The following GPM6A variants were observed in gnomAD, a reference collection of about 807,000 sequenced individuals.
GPM6A encodes glycoprotein M6A.
Under a neutral mutation model 32.1 loss-of-function variants are expected in GPM6A, and 7 were observed. The observed-to-expected ratio is 0.22, with a 90% CI of 0.12 to 0.41. The LOEUF (loss-of-function observed/expected upper bound fraction) is 0.41, where lower values mean the gene tolerates loss of function less well. GPM6A is among the 10% of genes least tolerant of loss of function. The probability of loss-of-function intolerance (pLI) is 1.00; values close to 1 mark genes in which losing one functional copy is unlikely to be tolerated. For synonymous variants in GPM6A, 130 were observed against 123.4 expected, an observed-to-expected ratio of 1.05 and a Z score of -0.35; for missense variants, 235 against 347.2, an observed-to-expected ratio of 0.68 and a Z score of 2.57.
chr4:175,688,216 C>G (rs2111028435), intron 2 of GPM6A, among the ~76,000 whole-genome samples: 1 of 152,184 alleles, frequency 6.6e-6, no homozygotes, highest in East Asian at 1.9e-4. Context: ...TCACACTTGT[C>G]TATTATTTTT....
chr4:175,704,852 T>C (rs1745086745), intron 1 of GPM6A, among the ~76,000 whole-genome samples: 1 of 152,190 alleles, frequency 6.6e-6, no homozygotes. Flanking sequence ...TAGGTGGGAA[T>C]TGCCTTTGCT....
chr4:175,766,906 C>T (rs1579477133), intron 1 of GPM6A, among the ~76,000 whole-genome samples: 1 of 151,990 alleles, frequency 6.6e-6, no homozygotes, highest in South Asian at 2.1e-4. Flanking sequence ...CTGCCTGCCT[C>T]GGCCTCCTAA....
At chr4:175,934,227 C>T (rs2126320561) in intron 1 of GPM6A, among the ~76,000 whole-genome samples, 1 of 152,216 alleles carries the variant, frequency 6.6e-6, no homozygotes, top group South Asian at 2.1e-4. Flanking sequence ...TAAATTTTTC[C>T]TCCTTAAAGT....
At chr4:175,930,579 CT>C (rs1470765878) in intron 1 of GPM6A, among the ~76,000 whole-genome samples, 1 of 151,592 alleles carries the variant, frequency 6.6e-6, no homozygotes, top group Non-Finnish European at 1.5e-5. Context: ...TTATAAGAAC[CT>C]TTTTTTGCTT....
At chr4:175,862,654 G>A (rs1736608751) in intron 1 of GPM6A, among the ~76,000 whole-genome samples, 1 of 151,938 alleles carries the variant, frequency 6.6e-6, no homozygotes, top group African/African-American at 2.4e-5. Context: ...GCAATGTTCA[G>A]CTTTAGTAAC....
intron 1 of GPM6A, among the ~76,000 whole-genome samples, chr4:175,754,421 A>T (rs892144683): frequency 7.2e-5 from 11 of 152,292 alleles, no homozygotes; most frequent in African/African-American, 2.4e-4. Context: ...ATAAAAGAAC[A>T]TCTAAGGATA....
intron 1 of GPM6A, among the ~76,000 whole-genome samples, chr4:175,758,563 G>C (rs1222355030): frequency 6.6e-6 from 1 of 152,152 alleles, no homozygotes; most frequent in Non-Finnish European, 1.5e-5. Flanking sequence ...AGTGTCAATT[G>C]ATCCACCAGT....
At chr4:175,975,354 G>A (rs1381676586) in intron 1 of GPM6A, among the ~76,000 whole-genome samples, 1 of 152,100 alleles carries the variant, frequency 6.6e-6, no homozygotes, top group Non-Finnish European at 1.5e-5. Flanking sequence ...TGGGTCATGT[G>A]GAATACCAAT....
At chr4:175,769,225 G>A (rs893774448) in intron 1 of GPM6A, among the ~76,000 whole-genome samples, 1 of 152,030 alleles carries the variant, frequency 6.6e-6, no homozygotes, top group African/African-American at 2.4e-5. Flanking sequence ...AACAACCTTG[G>A]GTTTAAATCT....
chr4:175,910,066 C>T (rs995973018), intron 1 of GPM6A, among the ~76,000 whole-genome samples: 1 of 152,090 alleles, frequency 6.6e-6, no homozygotes, highest in African/African-American at 2.4e-5. Flanking sequence ...TGATTGGCAG[C>T]ATTTATCAGT....
At chr4:175,953,179 TAAAG>T (rs991814062) in intron 1 of GPM6A, among the ~76,000 whole-genome samples, 19 of 105,146 alleles carry the variant, frequency 1.8e-4, no homozygotes, top group African/African-American at 5.2e-4. Context: ...ATAAAACAAA[TAAAG>T]AAATCAAAGG....
chr4:175,887,326 G>A (rs1737492313), intron 1 of GPM6A, among the ~76,000 whole-genome samples: 1 of 151,738 alleles, frequency 6.6e-6, no homozygotes, highest in Non-Finnish European at 1.5e-5. Context: ...AATCACGTGT[G>A]GGTTAAAGAA....
intron 1 of GPM6A, among the ~76,000 whole-genome samples, chr4:175,830,342 C>T (rs916871611): frequency 6.6e-6 from 1 of 152,150 alleles, no homozygotes; most frequent in African/African-American, 2.4e-5. Context: ...TTTTTAGACA[C>T]ATAAATACAC....
chr4:175,761,424 A>G (rs1204722772), intron 1 of GPM6A, among the ~76,000 whole-genome samples: 2 of 152,174 alleles, frequency 1.3e-5, no homozygotes, highest in African/African-American at 4.8e-5. Context: ...ACACTGCTGC[A>G]TACAATATGA....
chr4:175,724,332 G>T (rs186279521), intron 1 of GPM6A, among the ~76,000 whole-genome samples: 178 of 152,294 alleles, frequency 1.2e-3, no homozygotes, highest in African/African-American at 3.9e-3. Flanking sequence ...ATCACCTGAC[G>T]TCAGGAGTTC....
upstream of GPM6A, chr4:176,002,390 C>T (rs1202338148): frequency 1.3e-6 from 2 of 1,551,516 alleles, no homozygotes; most frequent in African/African-American, 1.4e-5. Context: ...GTTCTCCAAG[C>T]CGCGCTGAGG....
chr4:175,832,284 GTGTT>G (rs1735640768), intron 1 of GPM6A, among the ~76,000 whole-genome samples: 1 of 152,126 alleles, frequency 6.6e-6, no homozygotes, highest in African/African-American at 2.4e-5. Flanking sequence ...TTTTTCAAAA[GTGTT>G]TGAGATTTAA....
At chr4:175,929,112 A>G (rs773308168) in intron 1 of GPM6A, among the ~76,000 whole-genome samples, 2 of 152,234 alleles carry the variant, frequency 1.3e-5, no homozygotes, top group Non-Finnish European at 2.9e-5. Context: ...GCTGTGATGA[A>G]GTAAAAGAAA....
intron 1 of GPM6A, among the ~76,000 whole-genome samples, chr4:175,840,663 G>GA (rs1473992089): frequency 1.3e-5 from 2 of 152,208 alleles, no homozygotes; most frequent in South Asian, 2.1e-4. Flanking sequence ...CAACAAGAGC[G>GA]AAACTCCATC....
Sources: allele counts gnomAD v4.1 joint callset (sites outside exome capture counted in the v4.1 genomes callset), GRCh38; gene constraint gnomAD v4.1.1; transcripts MANE v1.5; gene names NCBI Gene and HGNC (gene_info 2026-07-23, HGNC 2026-07-21).